The following TDP1 variants were observed in gnomAD, a reference collection of about 807,000 sequenced individuals.
TDP1 encodes the protein tyrosyl-DNA phosphodiesterase 1, also known as tyr-DNA phosphodiesterase 1.
Under a neutral mutation model 81.5 loss-of-function variants are expected in TDP1, and 64 were observed. The observed-to-expected ratio is 0.79, with a 90% CI of 0.64 to 0.97. The LOEUF is 0.97. Among genes scored for constraint, TDP1 ranks in the 50% least tolerant of loss-of-function variants. The pLI, the probability that TDP1 is intolerant of heterozygous loss-of-function variation, is 0.00. For synonymous variants in TDP1, 256 were observed against 264.3 expected (o/e 0.97, Z 0.30); for missense variants, 723 against 743.8 (o/e 0.97, Z 0.33).
At chr14:89,962,995 T>C in intron 2 of TDP1, 113 bp from the exon 3 acceptor site, 2 of 1,568,144 alleles carry the variant, frequency 1.3e-6, no homozygotes, top group South Asian at 2.4e-5. Context: ...TGTTAGGTGG[T>C]TCAGCCTCTG....
intron 14 of TDP1, among the ~76,000 whole-genome samples, chr14:90,000,573 T>G (rs1897103475): frequency 6.6e-6 from 1 of 152,094 alleles, no homozygotes; most frequent in Non-Finnish European, 1.5e-5. Flanking sequence ...TTAGTAGAGA[T>G]GGAGTTTCTC....
At position 89,989,328 on chromosome 14, in the gene TDP1, C is replaced by A. The variant is rs35734354; in HGVS notation, c.1317+238C>A. On this transcript the variant is annotated intron_variant, in intron 11 of 16. Coordinates refer to ENST00000335725, the MANE Select transcript of TDP1 (RefSeq NM_018319.4). ...GCCGATTCGTTCAGGAGCTCCATTG[C>A]AGACACAGACTGGCCTGTGATTTTT... The A allele has an allele frequency of 6.9e-4, 678 of 985,318 alleles. 2 individuals are homozygous for A. In the African/African-American group the frequency reaches 0.011, roughly 16 times the overall value. The allele number at this position is 985,318 out of a possible 1,614,324, so 61.0% of individuals were successfully genotyped here.
intron 5 of TDP1, among the ~76,000 whole-genome samples, chr14:89,969,277 C>G (rs1555384126): frequency 6.6e-6 from 1 of 152,152 alleles, no homozygotes; most frequent in Non-Finnish European, 1.5e-5. Context: ...AAAGTGTCCT[C>G]CTTCTCCCTG....
intron 15 of TDP1, chr14:90,022,838 C>T (rs1352947181): frequency 1.2e-5 from 10 of 858,976 alleles, no homozygotes; most frequent in African/African-American, 1.8e-5. Flanking sequence ...GGTAGTTTGT[C>T]GTTTCGCTGA....
intron 16 of TDP1, 27 bp downstream of exon 16, chr14:90,033,241 G>A (rs548434837): frequency 5.3e-5 from 68 of 1,281,788 alleles, no homozygotes; most frequent in Admixed American, 4.6e-4. Flanking sequence ...GGAAAACCAC[G>A]GGTGGATATG....
At chr14:90,022,645 G>A in intron 15 of TDP1, 1 of 589,358 alleles carries the variant, frequency 1.7e-6, no homozygotes, top group South Asian at 7.4e-5. Context: ...TTGTCAGTCT[G>A]TAAAAAGGGT....
At chr14:90,009,051 T>C (rs1884383783) in intron 14 of TDP1, among the ~76,000 whole-genome samples, 1 of 152,242 alleles carries the variant, frequency 6.6e-6, no homozygotes, top group South Asian at 2.1e-4. Flanking sequence ...GACATCTAAT[T>C]GGTCAATCAT....
chr14:90,010,269 A>G (rs1042407210), intron 14 of TDP1, among the ~76,000 whole-genome samples: 2 of 152,240 alleles, frequency 1.3e-5, no homozygotes, highest in African/African-American at 4.8e-5. Context: ...CCCAAAATGG[A>G]AGAAAACAAG....
Position 89,991,805 on chromosome 14 carries a change from G to C in TDP1, c.1367-112G>C, listed in dbSNP as rs1299937327. Reference sequence around the variant, plus strand: ...AACTATTCTATAAGATGAAGTAATAGAAGTAGTTTTTTTCCTGTTACCTTC... The same window carrying C: ...AACTATTCTATAAGATGAAGTAATACAAGTAGTTTTTTTCCTGTTACCTTC... On this transcript the variant is annotated intron_variant, in intron 12 of 16. Coordinates refer to ENST00000335725, the MANE Select transcript of TDP1 (RefSeq NM_018319.4). 4.0e-6 allele frequency: 5 copies of C among 1,244,332 alleles called. No individual in the cohort carries two copies. The African/African-American group carries it at 7.6e-5, about 19-fold the overall frequency. 77.1% of individuals were successfully genotyped at this position (1,244,332 alleles called of 1,614,324 possible). A position where few individuals can be genotyped will look rare whatever the true frequency, so the allele number is the denominator to read the frequency against.
chr14:90,023,841 T>C (rs1487978448), intron 15 of TDP1, among the ~76,000 whole-genome samples: 1 of 152,112 alleles, frequency 6.6e-6, no homozygotes, highest in Non-Finnish European at 1.5e-5. Context: ...CCAGCTGACT[T>C]GTTAATTTTT....
chr14:90,033,688 C>T (rs1887538928), intron 16 of TDP1: 1 of 192,384 alleles, frequency 5.2e-6, no homozygotes, highest in Non-Finnish European at 1.1e-5. Flanking sequence ...ATCACTTTCA[C>T]ACCATCATAA....
chr14:90,032,580 C>G (rs1887407650), intron 15 of TDP1: 1 of 213,856 alleles, frequency 4.7e-6, no homozygotes, highest in African/African-American at 2.4e-5. Context: ...AATTAATACC[C>G]TATTCTAGAG....
At chr14:90,013,388 T>C (rs1884942413) in intron 14 of TDP1, among the ~76,000 whole-genome samples, 1 of 152,094 alleles carries the variant, frequency 6.6e-6, no homozygotes, top group Non-Finnish European at 1.5e-5. Context: ...GAGTGGGTTT[T>C]CCCAAGCAGT....
chr14:90,019,217 C>A, intron 14 of TDP1, 99 bp from the exon 15 acceptor site: 1 of 1,303,436 alleles, frequency 7.7e-7, no homozygotes, highest in Non-Finnish European at 1.1e-6. Context: ...GTGATTGCAG[C>A]TATATATTTT....
At chr14:90,037,008 C>T (rs7154741) in intron 16 of TDP1, among the ~76,000 whole-genome samples, 3,215 of 152,082 alleles carry the variant, frequency 0.021, 105 homozygotes, top group African/African-American at 0.072. Context: ...GATGGGGTCT[C>T]GCTATGTTGC....
At chr14:90,028,013 ACTCTTTTCTTTC>A (rs1886857226) in intron 15 of TDP1, among the ~76,000 whole-genome samples, 1 of 151,994 alleles carries the variant, frequency 6.6e-6, no homozygotes, top group South Asian at 2.1e-4. Context: ...ATGACGTTGC[ACTCTTTTCTTTC>A]CTTCTGAACT....
chr14:90,036,008 A>G (rs1463010225), intron 16 of TDP1, among the ~76,000 whole-genome samples: 1 of 152,186 alleles, frequency 6.6e-6, no homozygotes, highest in African/African-American at 2.4e-5. Flanking sequence ...GTTTACAGCT[A>G]GGTATAGTGT....
chr14:89,998,418 ATATATGTATG>A (rs1451189981), intron 14 of TDP1, among the ~76,000 whole-genome samples: 2 of 98,246 alleles, frequency 2.0e-5, no homozygotes, highest in African/African-American at 9.3e-5. Flanking sequence ...ATATATATAT[ATATATGTATG>A]TATGTATGTA....
At chr14:89,978,844 G>C (rs1394332284) in intron 7 of TDP1, among the ~76,000 whole-genome samples, 3 of 152,218 alleles carry the variant, frequency 2.0e-5, no homozygotes, top group Non-Finnish European at 4.4e-5. Context: ...ATGGAAAGAA[G>C]ATGGCACAGC....
Sources: allele counts gnomAD v4.1 joint callset (sites outside exome capture counted in the v4.1 genomes callset), GRCh38; gene constraint gnomAD v4.1.1; transcripts MANE v1.5; gene names NCBI Gene and HGNC (gene_info 2026-07-23, HGNC 2026-07-21).